The following ANO4 variants were observed in gnomAD, a reference collection of about 807,000 sequenced individuals.
The protein encoded by ANO4 is anoctamin 4, also known as anoctamin-4.
ANO4 carries 69 observed loss-of-function variants against 141.9 expected under a neutral mutation model. That is an observed-to-expected ratio of 0.49 (90% CI 0.40 to 0.59). ANO4 has a LOEUF of 0.59. Among genes scored for constraint, ANO4 ranks in the 20% least tolerant of loss-of-function variants. ANO4 has a pLI of 0.00. For synonymous variants in ANO4, 350 were observed against 394.3 expected, an observed-to-expected ratio of 0.89 and a Z score of 1.33; for missense variants, 894 against 1,162.2, an observed-to-expected ratio of 0.77 and a Z score of 3.36.
intron 9 of ANO4, among the ~76,000 whole-genome samples, chr12:101,021,265 C>T (rs925807031): frequency 6.6e-6 from 1 of 152,108 alleles, no homozygotes; most frequent in Admixed American, 6.5e-5. Flanking sequence ...GTGAAGCCCC[C>T]CAAGGGGATA....
chr12:100,900,764 C>G (rs1159179276), intron 1 of ANO4, among the ~76,000 whole-genome samples: 1 of 152,094 alleles, frequency 6.6e-6, no homozygotes, highest in Non-Finnish European at 1.5e-5. Context: ...ATCGGTGTTT[C>G]TTAGCAAGAA....
intron 5 of ANO4, among the ~76,000 whole-genome samples, chr12:100,943,429 G>A (rs554952121): frequency 3.9e-4 from 59 of 152,166 alleles, no homozygotes; most frequent in Non-Finnish European, 7.6e-4. Flanking sequence ...TACAACCTGC[G>A]AGTTGTGCCA....
chr12:100,791,428 AC>A (rs1051399452), upstream of ANO4, among the ~76,000 whole-genome samples: 26 of 152,084 alleles, frequency 1.7e-4, no homozygotes, highest in African/African-American at 6.3e-4. Context: ...AACAACAACA[AC>A]AAAAATGGTA....
chr12:100,761,603 G>T (rs1483543824), intron 3 of ANO4, among the ~76,000 whole-genome samples: 2 of 152,130 alleles, frequency 1.3e-5, no homozygotes, highest in Non-Finnish European at 2.9e-5. Context: ...GGCCGTGTAG[G>T]TACCTCTGCT....
intron 1 of ANO4, among the ~76,000 whole-genome samples, chr12:100,846,553 G>A (rs2037568860): frequency 6.6e-6 from 1 of 152,092 alleles, no homozygotes; most frequent in Non-Finnish European, 1.5e-5. Context: ...GGAACCATTA[G>A]ACAAATGGAT....
chr12:100,785,432 T>C (rs2033842632), intron 3 of ANO4, among the ~76,000 whole-genome samples: 1 of 152,196 alleles, frequency 6.6e-6, no homozygotes, highest in South Asian at 2.1e-4. Flanking sequence ...TTGGCAACCA[T>C]TGATATTTTT....
chr12:100,744,687 C>T (rs2032024232), intron 3 of ANO4, among the ~76,000 whole-genome samples: 1 of 152,168 alleles, frequency 6.6e-6, no homozygotes, highest in South Asian at 2.1e-4. Flanking sequence ...TTCTGCTGGC[C>T]ATCAGCCTCC....
intron 1 of ANO4, among the ~76,000 whole-genome samples, chr12:100,797,819 T>C (rs758130772): frequency 1.3e-5 from 2 of 152,214 alleles, no homozygotes; most frequent in African/African-American, 2.4e-5. Context: ...ATTTTATATA[T>C]GTGAACATGC....
At chr12:100,876,287 A>AAAAC (rs2039300983) in intron 1 of ANO4, among the ~76,000 whole-genome samples, 1 of 151,332 alleles carries the variant, frequency 6.6e-6, no homozygotes, top group African/African-American at 2.4e-5. Context: ...CCAAAAAAAA[A>AAAAC]AAAAAAAAAC....
chr12:101,077,564 T>A (rs2049070367), intron 14 of ANO4, among the ~76,000 whole-genome samples: 1 of 152,192 alleles, frequency 6.6e-6, no homozygotes, highest in South Asian at 2.1e-4. Flanking sequence ...TTGATTATTT[T>A]AGGTGTATCT....
chr12:100,751,270 C>T (rs987511547), intron 3 of ANO4, among the ~76,000 whole-genome samples: 7 of 152,040 alleles, frequency 4.6e-5, no homozygotes, highest in African/African-American at 1.2e-4. Flanking sequence ...AAGATCTACG[C>T]GGGAAAGCAA....
At chr12:100,858,891 C>G (rs762306545) in intron 1 of ANO4, among the ~76,000 whole-genome samples, 24 of 152,086 alleles carry the variant, frequency 1.6e-4, no homozygotes, top group African/African-American at 5.6e-4. Flanking sequence ...AGCAAGATTC[C>G]CACAGTTGCC....
chr12:100,833,906 C>G (rs889504678), intron 1 of ANO4, among the ~76,000 whole-genome samples: 1 of 152,036 alleles, frequency 6.6e-6, no homozygotes, highest in Non-Finnish European at 1.5e-5. Context: ...TTAATAAATA[C>G]TCTGATTTAT....
At chr12:100,790,472 G>A (rs1342097934), upstream of ANO4, among the ~76,000 whole-genome samples, 5 of 152,108 alleles carry the variant, frequency 3.3e-5, no homozygotes, top group African/African-American at 1.2e-4. Flanking sequence ...AGGTAACATT[G>A]GTAAGACTTA....
chr12:100,936,367 C>T (rs1384429390), intron 3 of ANO4, among the ~76,000 whole-genome samples: 1 of 152,160 alleles, frequency 6.6e-6, no homozygotes, highest in Non-Finnish European at 1.5e-5. Context: ...CACTGAATAC[C>T]ACTTTCACTG....
intron 17 of ANO4, among the ~76,000 whole-genome samples, chr12:101,087,183 G>T (rs971112300): frequency 6.6e-6 from 1 of 152,114 alleles, no homozygotes; most frequent in Non-Finnish European, 1.5e-5. Flanking sequence ...GTTGGTTCCT[G>T]TTTCTTTTTG....
intron 1 of ANO4, among the ~76,000 whole-genome samples, chr12:100,818,523 C>A (rs1348656516): frequency 6.6e-6 from 1 of 151,884 alleles, no homozygotes; most frequent in Admixed American, 6.6e-5. Flanking sequence ...TAGCAGTCAT[C>A]TCTGAGCTTC....
intron 22 of ANO4, among the ~76,000 whole-genome samples, chr12:101,100,245 TTAAG>T (rs2050140489): frequency 6.6e-6 from 1 of 152,148 alleles, no homozygotes; most frequent in Non-Finnish European, 1.5e-5. Flanking sequence ...CTTAGATAAA[TTAAG>T]TATGAATATA....
chr12:100,722,507 A>G (rs2030911997), intron 1 of ANO4, among the ~76,000 whole-genome samples: 1 of 151,980 alleles, frequency 6.6e-6, no homozygotes, highest in Non-Finnish European at 1.5e-5. Context: ...CATGCTCTGA[A>G]CGACTCCCTC....
Sources: gnomAD v4.1 joint callset for allele counts (sites outside exome capture counted in the v4.1 genomes callset) on GRCh38, gnomAD v4.1.1 for gene constraint, MANE v1.5 for transcripts, NCBI Gene and HGNC (gene_info 2026-07-23, HGNC 2026-07-21) for gene names.